RIN2: variants seen among roughly 807,000 people sequenced by gnomAD.
RIN2 encodes RAB5 interacting protein 2.
A neutral mutation model predicts 78.0 loss-of-function variants in RIN2; 36 were observed. The ratio of observed to expected loss-of-function variants is 0.46; its 90% CI spans 0.35 to 0.61. The LOEUF (loss-of-function observed/expected upper bound fraction) is 0.61. Ranked by LOEUF, RIN2 falls within the 20% of genes least tolerant of loss-of-function variation. RIN2 has a pLI of 0.00. For missense variants in RIN2, 1,087 were observed against 1,159.7 expected (o/e 0.94, Z 0.91); for synonymous variants, 466 against 466.8 (o/e 1.00, Z 0.02).
At chr20:19,945,804 G>A (rs1328445942) in intron 4 of RIN2, among the ~76,000 whole-genome samples, 2 of 152,124 alleles carry the variant, frequency 1.3e-5, no homozygotes, top group African/African-American at 4.8e-5. Context: ...AGAAATTAAT[G>A]AGCAATAAGG....
intron 11 of RIN2, 35 bp from the exon 12 acceptor site, chr20:19,996,644 G>A (rs1189399559): frequency 6.2e-7 from 1 of 1,612,554 alleles, no homozygotes; most frequent in Non-Finnish European, 8.5e-7. Flanking sequence ...GCGGAGGTTG[G>A]CACTGGGAGG....
rs1465014501 is a variant in RIN2 at position 19,896,978 on chromosome 20, T to A, written c.57+7320T>A. On this transcript the variant is annotated intron_variant, in intron 3 of 12. Transcript: ENST00000255006. ...TTTTACATTCTTTTTTGTACCACTT[T>A]TTTTATTGACAAAAATGGTATATAT... Among the ~76,000 whole-genome samples, 6 of 152,206 alleles carry A rather than the reference T, an allele frequency of 3.9e-5. No homozygotes were observed. In the South Asian group the frequency reaches 1.2e-3, roughly 32 times the overall value.
At chr20:19,949,300 T>C (rs900336772) in intron 4 of RIN2, among the ~76,000 whole-genome samples, 3 of 152,088 alleles carry the variant, frequency 2.0e-5, no homozygotes, top group Non-Finnish European at 4.4e-5. Flanking sequence ...TAAATAAAAA[T>C]CTAATTGCTC....
At chr20:19,896,932 TAAA>T (rs1302521907) in intron 3 of RIN2, among the ~76,000 whole-genome samples, 1 of 152,196 alleles carries the variant, frequency 6.6e-6, no homozygotes, top group Non-Finnish European at 1.5e-5. Context: ...ATGATAGATA[TAAA>T]AAAGTATTAA....
intron 1 of RIN2, among the ~76,000 whole-genome samples, chr20:19,760,848 G>A (rs2033612719): frequency 6.6e-6 from 1 of 152,112 alleles, no homozygotes; most frequent in Admixed American, 6.5e-5. Flanking sequence ...CCTTTCCCCA[G>A]TAAGACACCC....
At chr20:19,976,656 T>C (rs1479148278) in intron 9 of RIN2, among the ~76,000 whole-genome samples, 1 of 152,202 alleles carries the variant, frequency 6.6e-6, no homozygotes, top group Non-Finnish European at 1.5e-5. Flanking sequence ...TGTTTTTAAT[T>C]TTAGAAGGTT....
intron 2 of RIN2, among the ~76,000 whole-genome samples, chr20:19,855,861 G>A (rs1272705500): frequency 6.6e-6 from 1 of 152,128 alleles, no homozygotes; most frequent in Non-Finnish European, 1.5e-5. Context: ...GGATCACAAG[G>A]TCAGGAGTTC....
intron 3 of RIN2, among the ~76,000 whole-genome samples, chr20:19,920,528 A>G (rs903763893): frequency 6.6e-6 from 1 of 152,184 alleles, no homozygotes; most frequent in Non-Finnish European, 1.5e-5. Context: ...ACAGCCACAC[A>G]CGCTGCTTCC....
At position 19,935,098 on chromosome 20, in the gene RIN2, G is replaced by A; in HGVS notation, c.58-1G>A. Reference sequence around the variant, plus strand: ...GTCATACTATTTTTGTCTTTGAATAGCTCATTGACACAATTGCCTCGGAGA... The same window carrying A: ...GTCATACTATTTTTGTCTTTGAATAACTCATTGACACAATTGCCTCGGAGA... On this transcript the variant is annotated splice_acceptor_variant, in intron 3 of 12. Coordinates refer to ENST00000255006, the MANE Select transcript of RIN2 (RefSeq NM_018993.4). LOFTEE classifies it high-confidence loss of function. The A allele has an allele frequency of 6.3e-7, 1 of 1,588,192 alleles. No individual in the cohort carries two copies. Among genetic ancestry groups the A allele is most frequent in the Non-Finnish European group, 8.6e-7 (1 of 1,167,088 alleles).
chr20:19,965,813 T>A (rs2041920702), intron 7 of RIN2, among the ~76,000 whole-genome samples: 1 of 152,136 alleles, frequency 6.6e-6, no homozygotes, highest in Non-Finnish European at 1.5e-5. Context: ...GTTTTCACCA[T>A]GTTGACCAGG....
chr20:19,889,678 G>A lies in RIN2; in HGVS notation c.57+20G>A. 1 of 1,473,762 alleles carries A rather than the reference G, an allele frequency of 6.8e-7. No homozygotes were observed. The highest frequency in any genetic ancestry group is 1.4e-5 in the South Asian group (1 of 72,444). The allele number at this position is 1,473,762 out of a possible 1,614,324, so 91.3% of individuals were successfully genotyped here. A position where few individuals can be genotyped will look rare whatever the true frequency, so the allele number is the denominator to read the frequency against. ...TTTAAGGTAAAAGGAAGCCTTGATT[G>A]GGATCTCAACTCGTCGGCTTGCTGC... On this transcript the variant is annotated intron_variant, in intron 3 of 12. Transcript: ENST00000255006.
intron 3 of RIN2, among the ~76,000 whole-genome samples, chr20:19,930,845 C>T (rs939558128): frequency 1.3e-5 from 2 of 152,180 alleles, no homozygotes; most frequent in African/African-American, 4.8e-5. Context: ...TTCTTGTTTT[C>T]CTAAAATTTT....
chr20:19,758,165 C>T (rs1423964977), upstream of RIN2: 1 of 151,450 alleles, frequency 6.6e-6, no homozygotes, highest in Non-Finnish European at 1.5e-5. Flanking sequence ...CTCCCCTCCT[C>T]CTCTTTCCTC....
At chr20:19,923,623 A>G (rs549165796) in intron 3 of RIN2, among the ~76,000 whole-genome samples, 5 of 152,080 alleles carry the variant, frequency 3.3e-5, no homozygotes, top group Admixed American at 6.5e-5. Context: ...ATTTTTAAAA[A>G]TAGACAAATA....
At chr20:19,799,981 G>A (rs1354509958) in intron 2 of RIN2, among the ~76,000 whole-genome samples, 1 of 152,142 alleles carries the variant, frequency 6.6e-6, no homozygotes, top group Non-Finnish European at 1.5e-5. Flanking sequence ...AGGAGCCCAC[G>A]AGCATAAAGG....
intron 1 of RIN2, among the ~76,000 whole-genome samples, chr20:19,760,593 A>G (rs2033599026): frequency 6.6e-6 from 1 of 152,110 alleles, no homozygotes; most frequent in Admixed American, 6.5e-5. Flanking sequence ...CTCCTTGCTT[A>G]GCTAAACCCT....
chr20:19,887,139 C>T (rs542843738), intron 2 of RIN2, among the ~76,000 whole-genome samples: 8 of 151,702 alleles, frequency 5.3e-5, no homozygotes, highest in Non-Finnish European at 1.2e-4. Context: ...GATCCTCCCT[C>T]CTGAGTAGCT....
chr20:19,957,341 C>T (rs952169959), intron 5 of RIN2, among the ~76,000 whole-genome samples: 2 of 152,184 alleles, frequency 1.3e-5, no homozygotes, highest in Admixed American at 6.5e-5. Context: ...GACCACTGTC[C>T]GTCCCATCCA....
intron 2 of RIN2, among the ~76,000 whole-genome samples, chr20:19,808,060 A>G (rs1466340382): frequency 3.9e-5 from 6 of 152,376 alleles, no homozygotes; most frequent in Non-Finnish European, 1.5e-5. Context: ...ATGTCTTTCC[A>G]AACACTCATA....
Sources: gnomAD v4.1 joint callset for allele counts (sites outside exome capture counted in the v4.1 genomes callset) on GRCh38, gnomAD v4.1.1 for gene constraint, MANE v1.5 for transcripts, NCBI Gene and HGNC (gene_info 2026-07-23, HGNC 2026-07-21) for gene names.